The following PARD3B variants were observed in gnomAD, a reference collection of about 807,000 sequenced individuals.
PARD3B encodes the protein partitioning defective 3 homolog B.
PARD3B carries 103 observed loss-of-function variants against 130.2 expected under a neutral mutation model. The observed-to-expected ratio is 0.79, with a 90% confidence interval of 0.67 to 0.93. PARD3B has a LOEUF of 0.93. Ranked by LOEUF, PARD3B falls within the 40% of genes least tolerant of loss-of-function variation. The pLI is 0.00. For missense variants in PARD3B, 1,609 were observed against 1,499.2 expected (o/e 1.07, Z -1.21); for synonymous variants, 583 against 553.2 (o/e 1.05, Z -0.76).
At chr2:204,725,283 T>C (rs901707644) in intron 2 of PARD3B, among the ~76,000 whole-genome samples, 3 of 152,190 alleles carry the variant, frequency 2.0e-5, no homozygotes, top group Non-Finnish European at 4.4e-5. Context: ...GATATCAACA[T>C]GGAAAGAGAT....
At chr2:205,498,363 G>A (rs559875651) in intron 20 of PARD3B, among the ~76,000 whole-genome samples, 1 of 152,072 alleles carries the variant, frequency 6.6e-6, no homozygotes, top group African/African-American at 2.4e-5. Context: ...TTAGCCAGGT[G>A]TGGTGGTATG....
chr2:204,786,628 C>A (rs992944579), intron 2 of PARD3B, among the ~76,000 whole-genome samples: 1 of 151,656 alleles, frequency 6.6e-6, no homozygotes, highest in African/African-American at 2.4e-5. Context: ...TGTCCTGTTT[C>A]CCCTTGTCAG....
intron 22 of PARD3B, among the ~76,000 whole-genome samples, chr2:205,606,357 A>G (rs768177778): frequency 9.9e-5 from 15 of 152,114 alleles, no homozygotes; most frequent in Non-Finnish European, 1.6e-4. Context: ...TGGAGGTGGG[A>G]GCTTCCCTTG....
chr2:204,809,240 G>C (rs905156772), intron 2 of PARD3B, among the ~76,000 whole-genome samples: 1 of 151,970 alleles, frequency 6.6e-6, no homozygotes, highest in African/African-American at 2.4e-5. Context: ...TGTTTACTCT[G>C]TTGAAAGTTT....
At chr2:205,399,677 A>G (rs1181434489) in intron 18 of PARD3B, among the ~76,000 whole-genome samples, 3 of 152,090 alleles carry the variant, frequency 2.0e-5, no homozygotes, top group Non-Finnish European at 4.4e-5. Flanking sequence ...TTTATTTCAA[A>G]TGTGCAGTTT....
intron 1 of PARD3B, among the ~76,000 whole-genome samples, chr2:204,614,864 C>T (rs1235254487): frequency 6.6e-6 from 1 of 152,152 alleles, no homozygotes; most frequent in East Asian, 1.9e-4. Flanking sequence ...TGTTATGCTT[C>T]CTCTATATCC....
intron 3 of PARD3B, among the ~76,000 whole-genome samples, chr2:205,028,798 A>T (rs1559368372): frequency 1.3e-5 from 2 of 152,204 alleles, no homozygotes; most frequent in Non-Finnish European, 2.9e-5. Flanking sequence ...AGAAACTGTT[A>T]AAACTAATAA....
At chr2:205,064,077 A>G (rs942646758) in intron 4 of PARD3B, among the ~76,000 whole-genome samples, 2 of 152,242 alleles carry the variant, frequency 1.3e-5, no homozygotes, top group Non-Finnish European at 2.9e-5. Context: ...TGTGGAACTT[A>G]TAATCGCATT....
At chr2:204,728,003 C>T (rs1170748663) in intron 2 of PARD3B, among the ~76,000 whole-genome samples, 2 of 152,066 alleles carry the variant, frequency 1.3e-5, no homozygotes, top group African/African-American at 2.4e-5. Flanking sequence ...AGCGGTGCAG[C>T]AAGTCTTCTG....
At chr2:204,750,386 C>T (rs115621429) in intron 2 of PARD3B, among the ~76,000 whole-genome samples, 1 of 152,120 alleles carries the variant, frequency 6.6e-6, no homozygotes, top group Non-Finnish European at 1.5e-5. Flanking sequence ...CAGTTCAAGA[C>T]CAGCCTGGGC....
At chr2:204,740,716 C>T (rs2039972821) in intron 2 of PARD3B, among the ~76,000 whole-genome samples, 1 of 152,306 alleles carries the variant, frequency 6.6e-6, no homozygotes, top group Non-Finnish European at 1.5e-5. Flanking sequence ...TACATGTAGC[C>T]TCCTCATGTA....
intron 3 of PARD3B, among the ~76,000 whole-genome samples, chr2:205,012,279 T>G (rs1410507767): frequency 6.6e-6 from 1 of 152,190 alleles, no homozygotes; most frequent in African/African-American, 2.4e-5. Context: ...ACTGTCTTTG[T>G]GGTAGTTTTA....
intron 18 of PARD3B, among the ~76,000 whole-genome samples, chr2:205,333,869 G>T (rs541282715): frequency 1.3e-5 from 2 of 151,882 alleles, no homozygotes; most frequent in Non-Finnish European, 2.9e-5. Flanking sequence ...TTCATCAAAG[G>T]TATATTTGTT....
At chr2:205,486,121 G>T (rs925892402) in intron 20 of PARD3B, among the ~76,000 whole-genome samples, 2 of 152,160 alleles carry the variant, frequency 1.3e-5, no homozygotes, top group Non-Finnish European at 2.9e-5. Flanking sequence ...AGGGTTATTG[G>T]AGAGCTTTTG....
intron 10 of PARD3B, among the ~76,000 whole-genome samples, chr2:205,154,579 A>G (rs543737946): frequency 1.3e-5 from 2 of 152,358 alleles, no homozygotes; most frequent in East Asian, 1.9e-4. Flanking sequence ...TCATGCTACT[A>G]TAAAGACACA....
At chr2:205,184,464 C>T (rs1487231383) in intron 13 of PARD3B, among the ~76,000 whole-genome samples, 5 of 152,020 alleles carry the variant, frequency 3.3e-5, no homozygotes, top group African/African-American at 9.7e-5. Flanking sequence ...TTAGTTTGGC[C>T]CGGCGCGGTG....
intron 10 of PARD3B, among the ~76,000 whole-genome samples, chr2:205,129,923 A>G (rs374166784): frequency 1.4e-4 from 22 of 152,226 alleles, no homozygotes; most frequent in African/African-American, 2.2e-4. Flanking sequence ...CTGAACTCCT[A>G]TATTCTAGTT....
At chr2:205,147,843 C>G (rs2033472700) in intron 10 of PARD3B, among the ~76,000 whole-genome samples, 1 of 152,248 alleles carries the variant, frequency 6.6e-6, no homozygotes, top group Admixed American at 6.5e-5. Flanking sequence ...AAACTCTTCT[C>G]TTATTTATTG....
At chr2:205,398,439 G>A (rs959373859) in intron 18 of PARD3B, among the ~76,000 whole-genome samples, 29 of 152,236 alleles carry the variant, frequency 1.9e-4, no homozygotes, top group African/African-American at 7.0e-4. Context: ...GAGAGAAAAG[G>A]ACAAAAAACT....
Sources: allele counts gnomAD v4.1 joint callset (sites outside exome capture counted in the v4.1 genomes callset), GRCh38; gene constraint gnomAD v4.1.1; transcripts MANE v1.5; gene names NCBI Gene and HGNC (gene_info 2026-07-23, HGNC 2026-07-21).